TBC1D5: variants seen among roughly 807,000 people sequenced by gnomAD.
TBC1D5 encodes the protein TBC1 domain family, member 5.
Under a neutral mutation model 100.3 loss-of-function variants are expected in TBC1D5, and 75 were observed. The ratio of observed to expected loss-of-function variants is 0.75; its 90% confidence interval spans 0.62 to 0.91. TBC1D5 has a LOEUF of 0.91. TBC1D5 is among the 40% of genes least tolerant of loss of function. The probability of loss-of-function intolerance (pLI) is 0.00; values close to 1 mark genes in which losing one functional copy is unlikely to be tolerated. For missense variants in TBC1D5, 910 were observed against 942.4 expected (o/e 0.97, Z 0.45); for synonymous variants, 323 against 325.6 (o/e 0.99, Z 0.09).
At chr3:17,286,077 G>A (rs1263440978) in intron 15 of TBC1D5, among the ~76,000 whole-genome samples, 1 of 152,056 alleles carries the variant, frequency 6.6e-6, no homozygotes, top group African/African-American at 2.4e-5. Context: ...AATTCTTACT[G>A]CATAATCTAA....
chr3:17,564,021 A>G (rs1220415610), intron 2 of TBC1D5, among the ~76,000 whole-genome samples: 1 of 152,162 alleles, frequency 6.6e-6, no homozygotes, highest in East Asian at 1.9e-4. Flanking sequence ...TGACCTTGTG[A>G]TCCGCCCGCC....
At chr3:17,597,311 A>C (rs1248609043) in intron 2 of TBC1D5, among the ~76,000 whole-genome samples, 2 of 152,180 alleles carry the variant, frequency 1.3e-5, no homozygotes, top group Admixed American at 6.5e-5. Context: ...ATTGATATTT[A>C]TATGGAGTAT....
intron 13 of TBC1D5, among the ~76,000 whole-genome samples, chr3:17,308,875 A>G (rs1354816856): frequency 1.3e-5 from 2 of 152,126 alleles, no homozygotes; most frequent in Admixed American, 6.5e-5. Flanking sequence ...ATAATTGTAC[A>G]TAATAGTGAC....
chr3:17,449,797 G>GACA (rs1576027801), intron 3 of TBC1D5, among the ~76,000 whole-genome samples: 1 of 152,182 alleles, frequency 6.6e-6, no homozygotes, highest in African/African-American at 2.4e-5. Context: ...GGGCGGCTGT[G>GACA]GGAGCAGCTT....
intron 1 of TBC1D5, among the ~76,000 whole-genome samples, chr3:17,637,219 T>A (rs925139940): frequency 3.2e-4 from 43 of 136,198 alleles, no homozygotes; most frequent in East Asian, 1.7e-3. Context: ...TTTTTTTTTT[T>A]ATTTAGTAGA....
chr3:17,461,461 T>A (rs987683279), intron 3 of TBC1D5, among the ~76,000 whole-genome samples: 1 of 152,218 alleles, frequency 6.6e-6, no homozygotes, highest in Non-Finnish European at 1.5e-5. Context: ...ATATTACTTT[T>A]CATTTGCAAA....
intron 18 of TBC1D5, among the ~76,000 whole-genome samples, chr3:17,185,880 A>T (rs1163479423): frequency 6.6e-6 from 1 of 151,994 alleles, no homozygotes; most frequent in Non-Finnish European, 1.5e-5. Flanking sequence ...TCTAGGAAAA[A>T]GTACTCTGGG....
intron 18 of TBC1D5, among the ~76,000 whole-genome samples, chr3:17,191,164 C>T (rs560348127): frequency 6.6e-6 from 1 of 152,148 alleles, no homozygotes; most frequent in African/African-American, 2.4e-5. Context: ...GGTGAACAAG[C>T]TGGAATATAA....
intron 13 of TBC1D5, among the ~76,000 whole-genome samples, chr3:17,339,604 G>C (rs534550744): frequency 6.6e-6 from 1 of 152,278 alleles, no homozygotes; most frequent in East Asian, 1.9e-4. Context: ...CAGTAATTAA[G>C]AGAAACTAAT....
chr3:17,628,742 T>C (rs1241358700), intron 1 of TBC1D5, among the ~76,000 whole-genome samples: 1 of 152,232 alleles, frequency 6.6e-6, no homozygotes, highest in African/African-American at 2.4e-5. Context: ...ATAACTTATA[T>C]GAATGTACTC....
intron 15 of TBC1D5, among the ~76,000 whole-genome samples, chr3:17,259,848 T>C (rs2078109570): frequency 6.6e-6 from 1 of 152,156 alleles, no homozygotes; most frequent in Non-Finnish European, 1.5e-5. Flanking sequence ...GCTCAACCCT[T>C]TCATATCTCT....
intron 2 of TBC1D5, among the ~76,000 whole-genome samples, chr3:17,566,049 G>A (rs1317820106): frequency 7.9e-5 from 12 of 151,630 alleles, no homozygotes; most frequent in African/African-American, 2.7e-4. Flanking sequence ...ATTCAGTAGA[G>A]AAAAAAAATC....
At chr3:17,265,130 C>G (rs1391432505) in intron 15 of TBC1D5, among the ~76,000 whole-genome samples, 1 of 152,106 alleles carries the variant, frequency 6.6e-6, no homozygotes, top group Admixed American at 6.5e-5. Context: ...ACTATTAATG[C>G]AGCATTTGTT....
At chr3:17,317,175 GA>G (rs778114157) in intron 13 of TBC1D5, among the ~76,000 whole-genome samples, 2 of 152,148 alleles carry the variant, frequency 1.3e-5, no homozygotes, top group Non-Finnish European at 2.9e-5. Context: ...CATATAATTA[GA>G]AAGGCAAAAA....
intron 19 of TBC1D5, among the ~76,000 whole-genome samples, chr3:17,169,337 C>G (rs2066944667): frequency 6.6e-6 from 1 of 152,206 alleles, no homozygotes; most frequent in African/African-American, 2.4e-5. Flanking sequence ...TGAAAAAACA[C>G]ACTTGGAGCT....
intron 13 of TBC1D5, among the ~76,000 whole-genome samples, chr3:17,319,503 A>C (rs1048136675): frequency 1.3e-5 from 2 of 151,554 alleles, no homozygotes; most frequent in African/African-American, 2.4e-5. Flanking sequence ...AATAAGAAGC[A>C]ATTTTCCTTC....
intron 2 of TBC1D5, among the ~76,000 whole-genome samples, chr3:17,590,804 T>C (rs1258561074): frequency 6.6e-6 from 1 of 152,140 alleles, no homozygotes; most frequent in Non-Finnish European, 1.5e-5. Flanking sequence ...ATAGTCTGAT[T>C]CACGTAGAGC....
At chr3:17,245,029 A>T in intron 16 of TBC1D5, among the ~76,000 whole-genome samples, 1 of 149,394 alleles carries the variant, frequency 6.7e-6, no homozygotes, top group Non-Finnish European at 1.5e-5. Flanking sequence ...CTACAAAAAA[A>T]AAAAAAAAAA....
intron 15 of TBC1D5, 35 bp downstream of exon 15, chr3:17,291,860 C>T: frequency 9.5e-6 from 15 of 1,578,202 alleles, no homozygotes; most frequent in Middle Eastern, 3.4e-4. Context: ...TTTCACCCAA[C>T]TTAAAATTAT....
Sources: gnomAD v4.1 joint callset for allele counts (sites outside exome capture counted in the v4.1 genomes callset) on GRCh38, gnomAD v4.1.1 for gene constraint, MANE v1.5 for transcripts, NCBI Gene and HGNC (gene_info 2026-07-23, HGNC 2026-07-21) for gene names.